MPHOSPH10: variants seen among roughly 807,000 people sequenced by gnomAD.
The protein encoded by MPHOSPH10 is M-phase phosphoprotein 10, also known as U3 small nucleolar ribonucleoprotein MPP10.
Under a neutral mutation model 77.3 loss-of-function variants are expected in MPHOSPH10, and 33 were observed. That is an observed-to-expected ratio of 0.43 (90% CI 0.32 to 0.57). The LOEUF (loss-of-function observed/expected upper bound fraction) is 0.57, where lower values mean the gene tolerates loss of function less well. Among genes scored for constraint, MPHOSPH10 ranks in the 20% least tolerant of loss-of-function variants. The probability of loss-of-function intolerance (pLI) is 0.07; values close to 1 mark genes in which losing one functional copy is unlikely to be tolerated. For missense variants in MPHOSPH10, 708 were observed against 780.1 expected (o/e 0.91, Z 1.10); for synonymous variants, 245 against 268.0 (o/e 0.91, Z 0.84).
intron 3 of MPHOSPH10, 34 bp downstream of exon 3, chr2:71,134,139 C>G: frequency 6.3e-7 from 1 of 1,578,278 alleles, no homozygotes. Context: ...ACATTGTAAG[C>G]TGGAATTGCC....
At chr2:71,141,712 A>G (rs1558755504) in intron 7 of MPHOSPH10, among the ~76,000 whole-genome samples, 1 of 152,130 alleles carries the variant, frequency 6.6e-6, no homozygotes, top group Non-Finnish European at 1.5e-5. Flanking sequence ...TCTGATTTTT[A>G]GGTCTGTTTT....
chr2:71,130,703 G>A lies in MPHOSPH10; in HGVS notation c.38G>A (p.Arg13Gln). ...PQVWRRRTLE[R>Q]CLTEVGKATG... ...GTCTGGCGTCGACGGACCCTGGAGCGGTGTCTGACGGAAGTCGGCAAAGCC... is the reference window on the plus strand; with the variant it reads ...GTCTGGCGTCGACGGACCCTGGAGCAGTGTCTGACGGAAGTCGGCAAAGCC... The change falls in exon 1 of 11, where the codon CGG becomes CAG. Residue 13 changes from arginine to glutamine, a missense_variant. Transcript: ENST00000244230. 1.2e-6 allele frequency: 2 copies of A among 1,610,974 alleles called. No individual in the cohort carries two copies. Among genetic ancestry groups the A allele is most frequent in the Non-Finnish European group, 1.7e-6 (2 of 1,179,322 alleles).
At chr2:71,147,145 A>G (rs1673731254) in intron 8 of MPHOSPH10, among the ~76,000 whole-genome samples, 1 of 152,220 alleles carries the variant, frequency 6.6e-6, no homozygotes, top group Non-Finnish European at 1.5e-5. Flanking sequence ...ATTTATCAGT[A>G]GTCTATTTTT....
intron 4 of MPHOSPH10, among the ~76,000 whole-genome samples, chr2:71,136,829 A>C (rs7596411): frequency 0.032 from 4,708 of 147,880 alleles, 275 homozygotes; most frequent in African/African-American, 0.11. Context: ...CATATAAAGA[A>C]TAAAGTAGAA....
At chr2:71,131,619 G>A (rs1306024514) in intron 1 of MPHOSPH10, among the ~76,000 whole-genome samples, 1 of 152,182 alleles carries the variant, frequency 6.6e-6, no homozygotes, top group Non-Finnish European at 1.5e-5. Flanking sequence ...TAATGGTGAT[G>A]GGGAAGGGGT....
intron 5 of MPHOSPH10, 152 bp from the exon 6 acceptor site, chr2:71,139,643 C>A: frequency 1.7e-6 from 1 of 584,024 alleles, no homozygotes; most frequent in Non-Finnish European, 3.0e-6. Context: ...TCCCTCTTCC[C>A]CACTTTCTGA....
chr2:71,138,681 C>A, intron 5 of MPHOSPH10, 50 bp downstream of exon 5: 1 of 1,610,004 alleles, frequency 6.2e-7, no homozygotes, highest in South Asian at 1.1e-5. Context: ...TTCCATGGTT[C>A]CATTTCATAC....
At position 71,133,133 on chromosome 2, in the gene MPHOSPH10, G is replaced by A; in HGVS notation, c.325G>A (p.Glu109Lys). Reference protein sequence around the residue: ...INDEDISLLPESEEQEREEDG... With the variant: ...INDEDISLLPKSEEQEREEDG... ...TGATGAAGATATCAGTCTTCTCCCAGAGAGTGAAGAACAGGAACGTGAAGA... is the reference window on the plus strand; with the variant it reads ...TGATGAAGATATCAGTCTTCTCCCAAAGAGTGAAGAACAGGAACGTGAAGA... Residue 109 changes from glutamate to lysine, a missense_variant, in exon 2 of 11, where the codon GAG becomes AAG. By Grantham distance (56) the Glu-to-Lys change is moderately conservative. Coordinates refer to ENST00000244230, the MANE Select transcript of MPHOSPH10 (RefSeq NM_005791.3). 3.1e-6 allele frequency: 5 copies of A among 1,614,122 alleles called. No homozygotes were observed. The Admixed American group carries it at 6.7e-5, about 22-fold the overall frequency.
At chr2:71,144,562 T>G in intron 8 of MPHOSPH10, 24 bp downstream of exon 8, 1 of 1,545,036 alleles carries the variant, frequency 6.5e-7, no homozygotes, top group Non-Finnish European at 8.9e-7. Flanking sequence ...CAGTTCAGTG[T>G]GTAGCTAGAG....
Position 71,148,029 on chromosome 2 carries a change from C to A in MPHOSPH10, c.1588C>A (p.Leu530Met). The A allele has an allele frequency of 6.2e-7, 1 of 1,614,096 alleles. No homozygotes were observed. Among genetic ancestry groups the A allele is most frequent in the Non-Finnish European group, 8.5e-7 (1 of 1,179,970 alleles). ...PVPEIKVVSN[L>M]PAITMEEVAP... is the part of the protein sequence containing the mutation. The stretch of plus-strand genomic sequence containing the variant: ...ACCAGAGATTAAAGTTGTGTCAAAT[C>A]TGCCAGCCATAACCATGGAGGAAGT... The change falls in exon 9 of 11, where the codon CTG becomes ATG. Residue 530 changes from leucine to methionine, a missense_variant. Around this residue, in one of 3 missense-constraint regions of MPHOSPH10, gnomAD observed 263 missense variants for 320.0 expected, o/e 0.82. Coordinates refer to ENST00000244230, the MANE Select transcript of MPHOSPH10 (RefSeq NM_005791.3).
chr2:71,148,956 C>T, intron 9 of MPHOSPH10: 1 of 455,218 alleles, frequency 2.2e-6, no homozygotes, highest in Non-Finnish European at 3.9e-6. Context: ...GGTTGAGAAC[C>T]CAACTCTCCA....
Position 71,141,805 on chromosome 2 carries a change from G to T in MPHOSPH10, c.1446+436G>T, listed in dbSNP as rs539805621. Among the ~76,000 whole-genome samples the T allele has an allele frequency of 1.2e-4, 19 of 152,152 alleles. 1 individual carries two copies. In the East Asian group the frequency reaches 3.7e-3, roughly 29 times the overall value. ...AGCACTTTGGGAGGCTGAGGCGGGCGGATTGCTTGAGGTCAGGAGTTTTAG... is the reference window on the plus strand; with the variant it reads ...AGCACTTTGGGAGGCTGAGGCGGGCTGATTGCTTGAGGTCAGGAGTTTTAG... On this transcript the variant is annotated intron_variant, in intron 7 of 10. Transcript: ENST00000244230.
At chr2:71,133,798 T>A in intron 2 of MPHOSPH10, 150 bp from the exon 3 acceptor site, 1 of 811,394 alleles carries the variant, frequency 1.2e-6, no homozygotes. Flanking sequence ...TAATAATTAT[T>A]TAGTTATTAG....
intron 8 of MPHOSPH10, 56 bp from the exon 9 acceptor site, chr2:71,147,943 C>A: frequency 7.6e-7 from 1 of 1,320,164 alleles, no homozygotes; most frequent in Non-Finnish European, 1.1e-6. Context: ...ACAGTTCACA[C>A]ATTTTGTGTT....
intron 5 of MPHOSPH10, chr2:71,139,552 A>G (rs778828583): frequency 5.9e-6 from 2 of 336,312 alleles, no homozygotes; most frequent in African/African-American, 4.3e-5. Context: ...AAGTATTAGC[A>G]CTTACTACCA....
intron 1 of MPHOSPH10, among the ~76,000 whole-genome samples, chr2:71,132,254 C>T (rs1304100316): frequency 6.6e-6 from 1 of 152,166 alleles, no homozygotes; most frequent in Non-Finnish European, 1.5e-5. Flanking sequence ...TCGTGTAAAT[C>T]ATCATTTCAT....
chr2:71,143,367 G>A (rs1214338757), intron 7 of MPHOSPH10, among the ~76,000 whole-genome samples: 4 of 151,878 alleles, frequency 2.6e-5, no homozygotes, highest in South Asian at 2.1e-4. Flanking sequence ...TCCTGACCTC[G>A]TGATCCTCCC....
intron 5 of MPHOSPH10, 161 bp downstream of exon 5, chr2:71,138,792 T>C: frequency 9.9e-7 from 1 of 1,015,214 alleles, no homozygotes; most frequent in Non-Finnish European, 1.5e-6. Flanking sequence ...CCCGGCACTT[T>C]GGGAGGCCGA....
intron 9 of MPHOSPH10, chr2:71,148,961 T>A (rs1322745873): frequency 2.1e-6 from 1 of 469,288 alleles, no homozygotes; most frequent in Admixed American, 3.8e-5. Context: ...AGAACCCAAC[T>A]CTCCATGTTG....
Sources: gnomAD v4.1 joint callset for allele counts (sites outside exome capture counted in the v4.1 genomes callset) on GRCh38, gnomAD v4.1.1 for gene constraint, gnomAD v4.1.1 regional missense constraint, MANE v1.5 for transcripts, NCBI Gene and HGNC (gene_info 2026-07-23, HGNC 2026-07-21) for gene names.